DPP6: variants seen among roughly 807,000 people sequenced by gnomAD.
DPP6 encodes A-type potassium channel modulatory protein DPP6.
A neutral mutation model predicts 122.6 loss-of-function variants in DPP6; 69 were observed. That is an observed-to-expected ratio of 0.56 (90% CI 0.46 to 0.69). The LOEUF is 0.69. Among genes scored for constraint, DPP6 ranks in the 30% least tolerant of loss-of-function variants. The pLI is 0.00. For missense variants in DPP6, 928 were observed against 1,116.9 expected, an observed-to-expected ratio of 0.83 and a Z score of 2.41; for synonymous variants, 418 against 433.1, an observed-to-expected ratio of 0.97 and a Z score of 0.43.
At chr7:154,528,130 C>T (rs1827558127) in intron 3 of DPP6, among the ~76,000 whole-genome samples, 1 of 152,084 alleles carries the variant, frequency 6.6e-6, no homozygotes, top group African/African-American at 2.4e-5. Context: ...AAATGCAAAG[C>T]ACTAGATATA....
At chr7:154,224,929 G>A (rs1800507355) in intron 1 of DPP6, among the ~76,000 whole-genome samples, 1 of 152,042 alleles carries the variant, frequency 6.6e-6, no homozygotes, top group Non-Finnish European at 1.5e-5. Context: ...GATTACTTGA[G>A]GCCAGGAGTT....
At chr7:154,594,102 A>G (rs1478997816) in intron 5 of DPP6, among the ~76,000 whole-genome samples, 2 of 151,694 alleles carry the variant, frequency 1.3e-5, no homozygotes, top group African/African-American at 2.4e-5. Flanking sequence ...TGTTCTTTAA[A>G]GGATCACTCT....
intron 1 of DPP6, among the ~76,000 whole-genome samples, chr7:154,252,263 G>A (rs1281340686): frequency 2.0e-5 from 3 of 149,894 alleles, no homozygotes; most frequent in Non-Finnish European, 4.4e-5. Context: ...GGTGGTGGTT[G>A]TGATGAAATG....
intron 1 of DPP6, among the ~76,000 whole-genome samples, chr7:154,309,512 C>T (rs1481317269): frequency 6.6e-6 from 1 of 152,124 alleles, no homozygotes; most frequent in Non-Finnish European, 1.5e-5. Context: ...TAGGTGGCCT[C>T]CCGGAAGGGC....
In DPP6 at chr7:154,809,972, C is replaced by T. The variant is rs536686427; in HGVS notation, c.1666+2860C>T. 2.0e-4 allele frequency among the ~76,000 whole-genome samples: 31 copies of T among 152,264 alleles called. No individual in the cohort carries two copies. In the East Asian group the frequency reaches 5.6e-3, roughly 27 times the overall value. ...GCAACCTCTGCCTCCCGGTTTCAAG[C>T]GATTCTCCTGCCTCAGCCTCCCAAG... is the stretch of plus-strand genomic sequence containing the variant. On this transcript the variant is annotated intron_variant, in intron 16 of 25. Coordinates refer to ENST00000377770, the MANE Select transcript of DPP6 (RefSeq NM_130797.4).
At chr7:154,435,965 G>A (rs1460568281) in intron 1 of DPP6, among the ~76,000 whole-genome samples, 1 of 152,118 alleles carries the variant, frequency 6.6e-6, no homozygotes, top group Non-Finnish European at 1.5e-5. Flanking sequence ...ACTTTTTACG[G>A]TGCTCAATTC....
intron 1 of DPP6, among the ~76,000 whole-genome samples, chr7:154,435,324 C>T (rs899073454): frequency 6.6e-5 from 10 of 152,236 alleles, no homozygotes; most frequent in Middle Eastern, 3.4e-3. Flanking sequence ...ATTCATTGCA[C>T]GTTCCTGTGA....
intron 10 of DPP6, among the ~76,000 whole-genome samples, chr7:154,782,936 A>C (rs1291720267): frequency 6.6e-6 from 1 of 152,116 alleles, no homozygotes; most frequent in East Asian, 1.9e-4. Context: ...GGCAACTGCC[A>C]CTAGGCCTGG....
chr7:154,545,499 C>T (rs1268213608), intron 4 of DPP6, among the ~76,000 whole-genome samples: 2 of 123,582 alleles, frequency 1.6e-5, no homozygotes, highest in Non-Finnish European at 1.8e-5. Flanking sequence ...TTCCTTCCAT[C>T]CTTCCTTCCT....
intron 3 of DPP6, among the ~76,000 whole-genome samples, chr7:154,533,593 A>T (rs1053365363): frequency 6.6e-6 from 1 of 152,212 alleles, no homozygotes; most frequent in Non-Finnish European, 1.5e-5. Flanking sequence ...TATGAAGCAG[A>T]AATACTCTCA....
chr7:153,964,877 TTTTC>T (rs1287770290), intron 1 of DPP6, among the ~76,000 whole-genome samples: 2 of 143,136 alleles, frequency 1.4e-5, no homozygotes, highest in Non-Finnish European at 2.9e-5. Flanking sequence ...CCTTTCCTTT[TTTTC>T]TTTCTTCCCT....
intron 3 of DPP6, among the ~76,000 whole-genome samples, chr7:154,532,321 T>G (rs1027126934): frequency 4.6e-5 from 7 of 152,096 alleles, no homozygotes; most frequent in African/African-American, 1.7e-4. Context: ...ATATCAAAAT[T>G]TGTGAGACGT....
intron 12 of DPP6, among the ~76,000 whole-genome samples, chr7:154,799,583 G>T (rs146282658): frequency 7.2e-4 from 110 of 152,326 alleles, no homozygotes; most frequent in Admixed American, 2.2e-3. Flanking sequence ...CAAAATTTGG[G>T]CTGGAAGGGG....
At chr7:154,685,160 C>T (rs932284821) in intron 7 of DPP6, among the ~76,000 whole-genome samples, 1 of 152,212 alleles carries the variant, frequency 6.6e-6, no homozygotes, top group African/African-American at 2.4e-5. Flanking sequence ...TGGCAAGCAG[C>T]TGCTCAGCTG....
chr7:154,164,914 C>G (rs2150715441), intron 1 of DPP6, among the ~76,000 whole-genome samples: 2 of 152,308 alleles, frequency 1.3e-5, no homozygotes, highest in East Asian at 3.9e-4. Context: ...ATGAATGAGG[C>G]TGCTATGAAC....
intron 16 of DPP6, among the ~76,000 whole-genome samples, chr7:154,826,511 T>C (rs916860004): frequency 6.6e-6 from 1 of 152,154 alleles, no homozygotes; most frequent in African/African-American, 2.4e-5. Flanking sequence ...GATGTCCATT[T>C]CTCCACCAAC....
chr7:153,773,753 G>A, the DPP6 span, among the ~76,000 whole-genome samples: 1 of 148,948 alleles, frequency 6.7e-6, no homozygotes, highest in African/African-American at 2.5e-5. Context: ...TGGAAAAGAA[G>A]AAAGATCTTA....
At chr7:154,270,734 C>G (rs10274585) in intron 1 of DPP6, among the ~76,000 whole-genome samples, 75,762 of 151,948 alleles carry the variant, frequency 0.5, 19,347 homozygotes, top group African/African-American at 0.62. Flanking sequence ...TCCTGCAGAA[C>G]AGGGGATGAC....
chr7:154,570,550 T>A (rs1831043677), intron 5 of DPP6, among the ~76,000 whole-genome samples: 1 of 152,142 alleles, frequency 6.6e-6, no homozygotes, highest in African/African-American at 2.4e-5. Context: ...CAAGATACAA[T>A]CCAAGTTCTT....
Sources: gnomAD v4.1 joint callset for allele counts (sites outside exome capture counted in the v4.1 genomes callset) on GRCh38, gnomAD v4.1.1 for gene constraint, MANE v1.5 for transcripts, NCBI Gene and HGNC (gene_info 2026-07-23, HGNC 2026-07-21) for gene names.